The following LRRIQ1 variants were observed in gnomAD, a reference collection of about 807,000 sequenced individuals.
LRRIQ1 encodes leucine rich repeats and IQ motif containing 1.
A neutral mutation model predicts 211.9 loss-of-function variants in LRRIQ1; 210 were observed. That is an observed-to-expected ratio of 0.99 (90% CI 0.89 to 1.11). The LOEUF is 1.11. Among genes scored for constraint, LRRIQ1 ranks in the 50% most tolerant of loss-of-function variants. The pLI, the probability that LRRIQ1 is intolerant of heterozygous loss-of-function variation, is 0.00. For synonymous variants in LRRIQ1, 699 were observed against 650.1 expected, an observed-to-expected ratio of 1.08 and a Z score of -1.14; for missense variants, 2,136 against 1,939.5, an observed-to-expected ratio of 1.10 and a Z score of -1.90.
chr12:85,124,958 C>A (rs1888268854), intron 17 of LRRIQ1: 1 of 182,742 alleles, frequency 5.5e-6, no homozygotes, highest in African/African-American at 2.4e-5. Flanking sequence ...GCGGGCGGAT[C>A]ACGAGGTCAG....
At chr12:85,221,896 A>G (rs1394592412) in intron 24 of LRRIQ1, among the ~76,000 whole-genome samples, 1 of 152,220 alleles carries the variant, frequency 6.6e-6, no homozygotes, top group African/African-American at 2.4e-5. Flanking sequence ...GTATGGAGAT[A>G]TATCTGTGGG....
intron 19 of LRRIQ1, among the ~76,000 whole-genome samples, chr12:85,145,848 T>G (rs184252466): frequency 6.6e-6 from 1 of 151,882 alleles, no homozygotes; most frequent in Admixed American, 6.6e-5. Flanking sequence ...TTTGGAAAGA[T>G]AGTCTGTAAC....
At chr12:85,169,433 CT>C (rs1891306440) in intron 24 of LRRIQ1, among the ~76,000 whole-genome samples, 2 of 152,032 alleles carry the variant, frequency 1.3e-5, no homozygotes, top group Non-Finnish European at 2.9e-5. Context: ...TATCTAAAAT[CT>C]TTTCATGGCC....
At chr12:85,194,921 G>T (rs1286434197) in intron 24 of LRRIQ1, among the ~76,000 whole-genome samples, 2 of 151,928 alleles carry the variant, frequency 1.3e-5, no homozygotes, top group Admixed American at 1.3e-4. Flanking sequence ...TTGATAGACC[G>T]CTAGCAAGAC....
rs543990466 is a variant in LRRIQ1, at chr12:85,230,824, C to T, written c.4955+1175C>T. Among the ~76,000 whole-genome samples the T allele has an allele frequency of 4.6e-5, 7 of 151,604 alleles. No individual in the cohort carries two copies. In the South Asian group the frequency reaches 1.0e-3, roughly 23 times the overall value. On this transcript the variant is annotated intron_variant, in intron 25 of 26. Transcript: ENST00000393217. ...CAGCACTTTGGGAGGCCGAGGCGGG[C>T]GGATCACGAGGTCAGGAGATCGAAA... is the stretch of plus-strand genomic sequence containing the variant.
intron 26 of LRRIQ1, among the ~76,000 whole-genome samples, chr12:85,235,225 T>G (rs73365734): frequency 1.3e-5 from 2 of 152,172 alleles, no homozygotes; most frequent in African/African-American, 2.4e-5. Context: ...ATATCAGAAG[T>G]CACGTCAAAT....
At position 85,087,188 on chromosome 12, in the gene LRRIQ1, T is replaced by C. The variant is rs951112554; in HGVS notation, c.2888-11167T>C. Among the ~76,000 whole-genome samples, 36 of 151,744 alleles carry C rather than the reference T, an allele frequency of 2.4e-4. 1 individual carries two copies. The highest frequency in any genetic ancestry group is 8.7e-4 in the African/African-American group (36 of 41,350). On this transcript the variant is annotated intron_variant, in intron 11 of 26. Coordinates refer to ENST00000393217, the MANE Select transcript of LRRIQ1 (RefSeq NM_001079910.2). The stretch of plus-strand genomic sequence containing the variant: ...ATTCCCACCTATGAGTGAGAACATG[T>C]GGTGTTTGGTTTTCTGTCCTTGCAA...
At chr12:85,236,830 C>CATATATACATATAT in intron 26 of LRRIQ1, among the ~76,000 whole-genome samples, 1 of 108,810 alleles carries the variant, frequency 9.2e-6, no homozygotes, top group East Asian at 2.5e-4. Flanking sequence ...TGTATGTGTG[C>CATATATACATATAT]ATATATATAT....
In LRRIQ1 at chr12:85,124,512, G is replaced by GA; in HGVS notation, c.4006dup (p.Ile1336AsnfsTer88). On this transcript the variant is annotated frameshift_variant, in exon 17 of 27. Transcript: ENST00000393217. LOFTEE classifies it high-confidence loss of function. ...GAATCACCAAAATATTGAGCCTAGTGAAAAAATGTAAGATATATAAATAAT... is the reference window on the plus strand; with the variant it reads ...GAATCACCAAAATATTGAGCCTAGTGAAAAAAATGTAAGATATATAAATAAT... The GA allele has an allele frequency of 1.9e-6, 3 of 1,604,928 alleles. No individual in the cohort carries two copies. Among genetic ancestry groups the GA allele is most frequent in the Non-Finnish European group, 2.6e-6 (3 of 1,175,494 alleles).
chr12:85,121,921 T>C, intron 16 of LRRIQ1, 45 bp downstream of exon 16: 1 of 1,410,260 alleles, frequency 7.1e-7, no homozygotes, highest in Non-Finnish European at 9.5e-7. Flanking sequence ...ATCAATAATG[T>C]AATTTATAAA....
chr12:85,263,114 A>T lies in LRRIQ1; in HGVS notation c.*54A>T, dbSNP rs760233752. The T allele has an allele frequency of 3.6e-5, 35 of 962,496 alleles. No individual in the cohort carries two copies. The Admixed American group carries it at 1.3e-3, about 36-fold the overall frequency. The allele number at this position is 962,496 out of a possible 1,614,324, so 59.6% of individuals were successfully genotyped here. ...TGGCAAACTGTTTCATGAAGTCTGG[A>T]TATCTAGTCATGTTACCAACTGGAT... On this transcript the variant is annotated 3_prime_UTR_variant, in exon 2 of 2. Coordinates refer to the LRRIQ1 transcript ENST00000602731.
chr12:85,195,947 C>A (rs1892882085), intron 24 of LRRIQ1, among the ~76,000 whole-genome samples: 1 of 151,814 alleles, frequency 6.6e-6, no homozygotes, highest in African/African-American at 2.4e-5. Context: ...AGCCCAAAAT[C>A]TCCTTAAGCT....
At chr12:85,150,347 T>C (rs1890160332) in intron 19 of LRRIQ1, among the ~76,000 whole-genome samples, 1 of 151,792 alleles carries the variant, frequency 6.6e-6, no homozygotes, top group African/African-American at 2.4e-5. Flanking sequence ...CCCTTGTCAT[T>C]GAAAAGAAAA....
intron 24 of LRRIQ1, among the ~76,000 whole-genome samples, chr12:85,200,923 G>A (rs963105040): frequency 6.6e-6 from 1 of 151,904 alleles, no homozygotes; most frequent in African/African-American, 2.4e-5. Flanking sequence ...GGGTTCCAGC[G>A]ATCTTCATGC....
At chr12:85,128,979 A>G (rs755287933) in intron 18 of LRRIQ1, among the ~76,000 whole-genome samples, 42 of 152,208 alleles carry the variant, frequency 2.8e-4, no homozygotes, top group African/African-American at 9.1e-4. Context: ...TCCTCTTCCA[A>G]TCCAACTTGT....
At chr12:85,159,660 G>A (rs1482187956) in intron 23 of LRRIQ1, 1 of 151,996 alleles carries the variant, frequency 6.6e-6, no homozygotes, top group African/African-American at 2.4e-5. Context: ...AAGGCAAGAA[G>A]AGCAAGAGAG....
intron 1 of LRRIQ1, among the ~76,000 whole-genome samples, chr12:85,257,849 AC>A (rs1304820404): frequency 6.6e-6 from 1 of 151,762 alleles, no homozygotes; most frequent in African/African-American, 2.4e-5. Flanking sequence ...TTTTTTTAGC[AC>A]CACATTTGTA....
chr12:85,104,324 T>C (rs569426242), intron 14 of LRRIQ1, among the ~76,000 whole-genome samples: 2 of 152,124 alleles, frequency 1.3e-5, no homozygotes, highest in Non-Finnish European at 2.9e-5. Flanking sequence ...ATACATCTTT[T>C]ACTTATGAAA....
At chr12:85,142,680 A>G (rs1193272181) in intron 19 of LRRIQ1, among the ~76,000 whole-genome samples, 1 of 151,488 alleles carries the variant, frequency 6.6e-6, no homozygotes, top group Non-Finnish European at 1.5e-5. Context: ...CTTCTGTGAT[A>G]TTAAGTTTTT....
Sources: allele counts gnomAD v4.1 joint callset (sites outside exome capture counted in the v4.1 genomes callset), GRCh38; gene constraint gnomAD v4.1.1; transcripts MANE v1.5; gene names NCBI Gene and HGNC (gene_info 2026-07-23, HGNC 2026-07-21).